The following HSF2BP variants were observed in gnomAD, a reference collection of about 807,000 sequenced individuals.
The protein encoded by HSF2BP is heat shock factor 2-binding protein.
In HSF2BP, 35 loss-of-function variants were observed where a neutral mutation model predicts 35.0. The observed-to-expected ratio is 1.00, with a 90% confidence interval of 0.76 to 1.32. The LOEUF (loss-of-function observed/expected upper bound fraction) is 1.32. Among genes scored for constraint, HSF2BP ranks in the 40% most tolerant of loss-of-function variants. The pLI, the probability that HSF2BP is intolerant of heterozygous loss-of-function variation, is 0.00. For synonymous variants in HSF2BP, 114 were observed against 117.4 expected (o/e 0.97, Z 0.18); for missense variants, 326 against 321.7 (o/e 1.01, Z -0.10).
At chr21:43,640,351 G>C (rs1158760561) in intron 4 of HSF2BP, among the ~76,000 whole-genome samples, 1 of 152,220 alleles carries the variant, frequency 6.6e-6, no homozygotes, top group African/African-American at 2.4e-5. Flanking sequence ...ACATTCTTGA[G>C]ATAACAAAAT....
At chr21:43,593,375 C>A (rs1396322290) in intron 7 of HSF2BP, among the ~76,000 whole-genome samples, 1 of 152,162 alleles carries the variant, frequency 6.6e-6, no homozygotes, top group Non-Finnish European at 1.5e-5. Flanking sequence ...AAAGGATCCT[C>A]AACCTGGTCT....
chr21:43,605,123 A>C (rs1223061853), intron 7 of HSF2BP, among the ~76,000 whole-genome samples: 1 of 147,988 alleles, frequency 6.8e-6, no homozygotes, highest in African/African-American at 2.5e-5. Context: ...CACACACACC[A>C]CACAGATACC....
At chr21:43,600,866 T>A (rs1383403729) in intron 7 of HSF2BP, among the ~76,000 whole-genome samples, 1 of 152,220 alleles carries the variant, frequency 6.6e-6, no homozygotes, top group South Asian at 2.1e-4. Flanking sequence ...TAGCCACGCA[T>A]TGCTAATACT....
intron 5 of HSF2BP, among the ~76,000 whole-genome samples, chr21:43,632,902 C>T (rs989905343): frequency 4.0e-4 from 61 of 151,644 alleles, no homozygotes; most frequent in African/African-American, 1.4e-3. Context: ...TATGTATAAA[C>T]ACACACACAC....
intron 6 of HSF2BP, among the ~76,000 whole-genome samples, chr21:43,627,940 T>C (rs2146985307): frequency 6.6e-6 from 1 of 152,324 alleles, no homozygotes; most frequent in Admixed American, 6.5e-5. Flanking sequence ...CAATGATCTT[T>C]GATGTTACCA....
rs577768201 is a variant in HSF2BP at position 43,587,287 on chromosome 21, A to G, written c.796+4938T>C. ...GAACAAATGATTCTAAAGATTCTAA[A>G]GTAAGATGACCTTGCAATGGATTTA... On this transcript the variant is annotated intron_variant, in intron 8 of 8. Coordinates refer to ENST00000291560, the MANE Select transcript of HSF2BP (RefSeq NM_007031.2). Among the ~76,000 whole-genome samples the G allele has an allele frequency of 8.9e-4, 136 of 152,330 alleles. 2 individuals are homozygous for G. The highest frequency in any genetic ancestry group is 4.2e-3 in the Admixed American group (65 of 15,302).
intron 7 of HSF2BP, among the ~76,000 whole-genome samples, chr21:43,592,639 A>G (rs2081940999): frequency 6.6e-6 from 1 of 152,190 alleles, no homozygotes; most frequent in Non-Finnish European, 1.5e-5. Context: ...CCAATCCTGC[A>G]TTAACATACA....
At chr21:43,634,630 C>T (rs2082527807) in intron 4 of HSF2BP, among the ~76,000 whole-genome samples, 1 of 152,140 alleles carries the variant, frequency 6.6e-6, no homozygotes, top group South Asian at 2.1e-4. Flanking sequence ...GTGGCCCACT[C>T]ATAGTTACCT....
chr21:43,658,914 G>A (rs2082922471), intron 1 of HSF2BP, among the ~76,000 whole-genome samples: 1 of 152,162 alleles, frequency 6.6e-6, no homozygotes, highest in Non-Finnish European at 1.5e-5. Flanking sequence ...CTCCACCCGG[G>A]GGCCCGGGGG....
At chr21:43,654,756 A>T (rs1474014202) in intron 3 of HSF2BP, among the ~76,000 whole-genome samples, 1 of 152,208 alleles carries the variant, frequency 6.6e-6, no homozygotes, top group African/African-American at 2.4e-5. Flanking sequence ...CTAGAGAGTA[A>T]ATCCAGCAGC....
Position 43,656,720 on chromosome 21 carries a change from C to T in HSF2BP, c.54G>A (p.Glu18=), listed in dbSNP as rs1390295242. The T allele has an allele frequency of 6.2e-7, 1 of 1,612,926 alleles. No individual in the cohort carries two copies. The highest frequency in any genetic ancestry group is 1.7e-5 in the Admixed American group (1 of 59,780). The change falls in exon 3 of 9, where the codon GAG becomes GAA. Residue 18 remains glutamate (E), a synonymous_variant. Transcript: ENST00000291560. ...EEACRHMGTK[E]EFVKVRKKDL... ...CCTTCTTTCTGACTTTAACAAATTCCTCTTTAGTTCCCATGTGCTAAAAGA... is the reference window on the plus strand; with the variant it reads ...CCTTCTTTCTGACTTTAACAAATTCTTCTTTAGTTCCCATGTGCTAAAAGA...
intron 8 of HSF2BP, among the ~76,000 whole-genome samples, chr21:43,578,685 A>G (rs1416512691): frequency 6.6e-6 from 1 of 152,196 alleles, no homozygotes; most frequent in African/African-American, 2.4e-5. Context: ...TGACACAACT[A>G]TAAGAAAGCC....
At chr21:43,650,661 TAAC>T (rs1191475732) in intron 3 of HSF2BP, among the ~76,000 whole-genome samples, 1 of 151,306 alleles carries the variant, frequency 6.6e-6, no homozygotes, top group Non-Finnish European at 1.5e-5. Flanking sequence ...GCCACTACCT[TAAC>T]AAGTCAAATG....
chr21:43,633,123 T>C, intron 5 of HSF2BP, 149 bp downstream of exon 5: 1 of 769,818 alleles, frequency 1.3e-6, no homozygotes, highest in Non-Finnish European at 2.0e-6. Context: ...ATGAACCATA[T>C]ACGATAAGTA....
the HSF2BP span, among the ~76,000 whole-genome samples, chr21:43,467,792 AC>A: frequency 1.4e-5 from 1 of 72,526 alleles, no homozygotes; most frequent in South Asian, 4.9e-4. Context: ...CAAACCACAC[AC>A]CACACATTAC....
At chr21:43,654,254 CAAGT>C (rs1414464810) in intron 3 of HSF2BP, among the ~76,000 whole-genome samples, 3 of 152,168 alleles carry the variant, frequency 2.0e-5, no homozygotes, top group East Asian at 3.8e-4. Flanking sequence ...TGAAATTATA[CAAGT>C]AAGAAGATCC....
At chr21:43,609,561 C>G (rs2082177574) in intron 7 of HSF2BP, among the ~76,000 whole-genome samples, 1 of 151,868 alleles carries the variant, frequency 6.6e-6, no homozygotes, top group Non-Finnish European at 1.5e-5. Context: ...GTGTAGTTCC[C>G]CAGAGAGAGG....
intron 8 of HSF2BP, among the ~76,000 whole-genome samples, chr21:43,588,437 A>G (rs1319763213): frequency 6.6e-6 from 1 of 152,132 alleles, no homozygotes; most frequent in Admixed American, 6.5e-5. Context: ...CACCCGAGAC[A>G]TGTCCTGCTG....
At chr21:43,600,201 T>C (rs2082035339) in intron 7 of HSF2BP, among the ~76,000 whole-genome samples, 2 of 152,108 alleles carry the variant, frequency 1.3e-5, no homozygotes, top group African/African-American at 4.8e-5. Flanking sequence ...ACTGAGTCAC[T>C]AAAGGTAAAA....
Sources: allele counts gnomAD v4.1 joint callset (sites outside exome capture counted in the v4.1 genomes callset), GRCh38; gene constraint gnomAD v4.1.1; transcripts MANE v1.5; gene names NCBI Gene and HGNC (gene_info 2026-07-23, HGNC 2026-07-21).